Variants in NOS1 observed in about 807,000 individuals in gnomAD.
NOS1 encodes NOS type I.
A neutral mutation model predicts 164.5 loss-of-function variants in NOS1; 51 were observed. The observed-to-expected ratio is 0.31, with a 90% CI of 0.25 to 0.39. NOS1 has a LOEUF of 0.39. Among genes scored for constraint, NOS1 ranks in the 10% least tolerant of loss-of-function variants. The pLI is 1.00. For synonymous variants in NOS1, 719 were observed against 745.8 expected (o/e 0.96, Z 0.59); for missense variants, 1,362 against 1,885.6 (o/e 0.72, Z 5.14).
intron 1 of NOS1, among the ~76,000 whole-genome samples, chr12:117,335,135 T>C (rs116646974): frequency 0.011 from 1,610 of 152,324 alleles, 25 homozygotes; most frequent in African/African-American, 0.035. Flanking sequence ...CCTATTATTG[T>C]TATGTAATAG....
Position 117,212,082 on chromosome 12 carries a change from TA to T in NOS1, c.*3226del. 1.0e-6 allele frequency: 1 copy of T among 982,350 alleles called. No homozygotes were observed. Among genetic ancestry groups the T allele is most frequent in the Non-Finnish European group, 1.2e-6 (1 of 827,350 alleles). 60.9% of individuals were successfully genotyped at this position (982,350 alleles called of 1,614,324 possible). On this transcript the variant is annotated 3_prime_UTR_variant, in exon 29 of 29. Transcript: ENST00000317775. ...CTCTGTCAAAAAAAAAAATAGATTCTAACCTTCTGCACGAGAGGAACTGTGT... is the reference window on the plus strand; with the variant it reads ...CTCTGTCAAAAAAAAAAATAGATTCTACCTTCTGCACGAGAGGAACTGTGT...
intron 2 of NOS1, among the ~76,000 whole-genome samples, chr12:117,320,604 G>A (rs1874868947): frequency 6.6e-6 from 1 of 152,162 alleles, no homozygotes; most frequent in Non-Finnish European, 1.5e-5. Context: ...CAAGTGTGGG[G>A]TGATTTGTTA....
chr12:117,360,153 G>T (rs921848866), intron 1 of NOS1, among the ~76,000 whole-genome samples: 1 of 151,672 alleles, frequency 6.6e-6, no homozygotes, highest in African/African-American at 2.4e-5. Flanking sequence ...AAAGGTTCCT[G>T]CCCTCCTCGG....
intron 22 of NOS1, 47 bp from the exon 23 acceptor site, chr12:117,227,688 A>T: frequency 6.3e-7 from 1 of 1,590,110 alleles, no homozygotes; most frequent in Non-Finnish European, 8.6e-7. Context: ...CAGCTGCCAC[A>T]TACTTCCCAT....
chr12:117,304,138 C>T (rs1874005477), intron 3 of NOS1, among the ~76,000 whole-genome samples: 1 of 152,034 alleles, frequency 6.6e-6, no homozygotes, highest in African/African-American at 2.4e-5. Flanking sequence ...GGCCACTGCA[C>T]TCCAGCCTGG....
intron 1 of NOS1, among the ~76,000 whole-genome samples, chr12:117,348,847 G>A (rs1160058139): frequency 1.3e-5 from 2 of 152,182 alleles, no homozygotes; most frequent in South Asian, 2.1e-4. Flanking sequence ...AGAAATCAGC[G>A]CCGAAAGCAA....
intron 1 of NOS1, chr12:117,348,399 A>T (rs550066980): frequency 6.6e-6 from 1 of 152,258 alleles, no homozygotes; most frequent in South Asian, 2.1e-4. Context: ...TCATCTATAA[A>T]ATGGCAAAAA....
At chr12:117,332,001 T>C (rs889651157) in intron 1 of NOS1, among the ~76,000 whole-genome samples, 1 of 152,224 alleles carries the variant, frequency 6.6e-6, no homozygotes, top group East Asian at 1.9e-4. Flanking sequence ...CGAATGTCAG[T>C]TGGCCTTCAT....
intron 1 of NOS1, among the ~76,000 whole-genome samples, chr12:117,340,005 CTTTAT>C (rs1358893438): frequency 2.0e-5 from 3 of 152,058 alleles, no homozygotes; most frequent in African/African-American, 7.2e-5. Flanking sequence ...GATTGCTATT[CTTTAT>C]TTATTTATTT....
intron 1 of NOS1, among the ~76,000 whole-genome samples, chr12:117,334,462 T>C (rs1875706145): frequency 6.6e-6 from 1 of 152,098 alleles, no homozygotes; most frequent in South Asian, 2.1e-4. Context: ...AGTGGTGCGA[T>C]CTCAGCTCAC....
At chr12:117,344,019 C>T (rs747495128) in intron 1 of NOS1, among the ~76,000 whole-genome samples, 2 of 152,072 alleles carry the variant, frequency 1.3e-5, no homozygotes, top group African/African-American at 4.8e-5. Context: ...GTCAGATATA[C>T]CAGTAATAAC....
At chr12:117,268,307 T>C (rs1592970137) in intron 10 of NOS1, among the ~76,000 whole-genome samples, 163 bp from the exon 11 acceptor site, 1 of 152,172 alleles carries the variant, frequency 6.6e-6, no homozygotes, top group Admixed American at 6.5e-5. Context: ...CTTGGCTCAC[T>C]GCAACCTCTG....
At chr12:117,274,999 T>C (rs1219206183) in intron 9 of NOS1, among the ~76,000 whole-genome samples, 1 of 152,056 alleles carries the variant, frequency 6.6e-6, no homozygotes, top group African/African-American at 2.4e-5. Context: ...AACACAATTG[T>C]ATATTTCAAA....
At chr12:117,347,317 T>C (rs951601432) in intron 1 of NOS1, among the ~76,000 whole-genome samples, 2 of 148,472 alleles carry the variant, frequency 1.3e-5, no homozygotes, top group Non-Finnish European at 1.5e-5. Context: ...AAAAGAAAAA[T>C]AAACAAACAA....
At position 117,266,528 on chromosome 12, in the gene NOS1, G is replaced by T. The variant is rs538480595; in HGVS notation, c.1942-1018C>A. Among the ~76,000 whole-genome samples, 438 of 147,422 alleles carry T rather than the reference G, an allele frequency of 3.0e-3. 1 individual carries two copies. Among genetic ancestry groups the T allele is most frequent in the African/African-American group, 0.01 (412 of 40,130 alleles). On this transcript the variant is annotated intron_variant, in intron 11 of 28. Transcript: ENST00000317775. ...TTTTTTGTATAATGACTTCTTTTAG[G>T]TTTTTTTTTTCTTTTCTTTTTTTTT... is the stretch of plus-strand genomic sequence containing the variant.
intron 13 of NOS1, among the ~76,000 whole-genome samples, chr12:117,261,419 T>C (rs1284985307): frequency 6.6e-6 from 1 of 152,196 alleles, no homozygotes; most frequent in East Asian, 1.9e-4. Flanking sequence ...ACAGAGAACA[T>C]AGCTATGGAA....
At position 117,209,172 on chromosome 12, in the gene NOS1, T is replaced by C. The variant is rs1215940112; in HGVS notation, c.*6137A>G. 2.0e-6 allele frequency: 2 copies of C among 985,312 alleles called. No homozygotes were observed. The highest frequency in any genetic ancestry group is 5.2e-4 in the Middle Eastern group (1 of 1,936). 61.0% of individuals were successfully genotyped at this position (985,312 alleles called of 1,614,324 possible). On this transcript the variant is annotated 3_prime_UTR_variant, in exon 29 of 29. Transcript: ENST00000317775. ...CCAGGAAATCTATAATGAGAAGTCC[T>C]GGGGTAGCCAGCAGAGATTCTCTTG... is the stretch of plus-strand genomic sequence containing the variant.
intron 25 of NOS1, among the ~76,000 whole-genome samples, chr12:117,223,469 C>T (rs542344095): frequency 4.8e-4 from 73 of 152,018 alleles, no homozygotes; most frequent in Non-Finnish European, 1.0e-3. Flanking sequence ...ACTGTGTTGG[C>T]CAGGCTGGTC....
rs752620610 is a variant in NOS1, at chr12:117,259,079, C to A, written c.2419G>T (p.Val807Phe). 2 of 1,614,080 alleles carry A rather than the reference C, an allele frequency of 1.2e-6. No homozygotes were observed. The highest frequency in any genetic ancestry group is 2.2e-5 in the South Asian group (2 of 91,058). ...DIVHLEHETL[V>F]LVVTSTFGNG... ...CCAAAGGTGCTGGTGACCACAAGGA[C>A]CAGAGTTTCATGTTCCAGGTGCACA... Residue 807 changes from valine to phenylalanine, a missense_variant, in exon 15 of 29, where the codon GTC becomes TTC. By Grantham distance (50) the Val-to-Phe change is conservative. This residue lies in a region of NOS1 where 737 missense variants were observed against 1,030.3 expected (regional missense o/e 0.72). Transcript: ENST00000317775.
Sources: gnomAD v4.1 joint callset for allele counts (sites outside exome capture counted in the v4.1 genomes callset) on GRCh38, gnomAD v4.1.1 for gene constraint, gnomAD v4.1.1 regional missense constraint, MANE v1.5 for transcripts, NCBI Gene and HGNC (gene_info 2026-07-23, HGNC 2026-07-21) for gene names.